The following ASAP2 variants were observed in gnomAD, a reference collection of about 807,000 sequenced individuals.
ASAP2 encodes the protein ArfGAP with SH3 domain, ankyrin repeat and PH domain 2, also known as arf-GAP with SH3 domain, ANK repeat and PH domain-containing protein 2.
In ASAP2, 45 loss-of-function variants were observed where a neutral mutation model predicts 131.4. The ratio of observed to expected loss-of-function variants is 0.34; its 90% CI spans 0.27 to 0.44. ASAP2 has a LOEUF of 0.44. ASAP2 is among the 20% of genes least tolerant of loss of function. The probability of loss-of-function intolerance (pLI) is 1.00; values close to 1 mark genes in which losing one functional copy is unlikely to be tolerated. For synonymous variants in ASAP2, 510 were observed against 503.0 expected, an observed-to-expected ratio of 1.01 and a Z score of -0.19; for missense variants, 1,011 against 1,297.0, an observed-to-expected ratio of 0.78 and a Z score of 3.39.
At chr2:9,278,726 C>G (rs1298443996) in intron 1 of ASAP2, among the ~76,000 whole-genome samples, 3 of 152,172 alleles carry the variant, frequency 2.0e-5, no homozygotes. Flanking sequence ...GAGAGTACCT[C>G]TATCTAATTA....
chr2:9,346,626 G>C (rs1479148829), intron 11 of ASAP2, among the ~76,000 whole-genome samples: 1 of 152,112 alleles, frequency 6.6e-6, no homozygotes, highest in African/African-American at 2.4e-5. Context: ...CTTTCGAATT[G>C]GTGTCCACTC....
In ASAP2 at chr2:9,237,433, A is replaced by G. The variant is rs1314733598; in HGVS notation, c.126+30203A>G. Among the ~76,000 whole-genome samples the G allele has an allele frequency of 5.5e-5, 6 of 109,854 alleles. No individual in the cohort carries two copies. The South Asian group carries it at 1.3e-3, about 24-fold the overall frequency. The allele number at this position is 109,854 out of a possible 152,430, so 72.1% of individuals were successfully genotyped here. On this transcript the variant is annotated intron_variant, in intron 1 of 27. Coordinates refer to ENST00000281419, the MANE Select transcript of ASAP2 (RefSeq NM_003887.3). Reference sequence around the variant, plus strand: ...TTTGGTCTTTTTTTTTTTTTTTTTGACAGATTCTTGCTTTGTTGCCCAGGC... The same window carrying G: ...TTTGGTCTTTTTTTTTTTTTTTTTGGCAGATTCTTGCTTTGTTGCCCAGGC...
chr2:9,307,710 C>T (rs2148447560), intron 3 of ASAP2, among the ~76,000 whole-genome samples: 1 of 152,352 alleles, frequency 6.6e-6, no homozygotes, highest in Non-Finnish European at 1.5e-5. Context: ...GCATTAAGAG[C>T]AGAAACCAGG....
At chr2:9,271,603 T>G (rs7600853) in intron 1 of ASAP2, 331,715 of 1,338,740 alleles carry the variant, frequency 0.25, 43,182 homozygotes, top group Non-Finnish European at 0.28. Flanking sequence ...GGAGTTTAAA[T>G]AGTGGAGGTT....
intron 1 of ASAP2, among the ~76,000 whole-genome samples, chr2:9,269,694 T>A (rs1019082044): frequency 6.6e-6 from 1 of 152,254 alleles, no homozygotes; most frequent in Non-Finnish European, 1.5e-5. Flanking sequence ...CAGAGGCCAC[T>A]GTGCTGCCTG....
intron 9 of ASAP2, among the ~76,000 whole-genome samples, chr2:9,338,493 G>A (rs1671370420): frequency 6.6e-6 from 1 of 152,142 alleles, no homozygotes; most frequent in Non-Finnish European, 1.5e-5. Flanking sequence ...TATCTTACAT[G>A]CCCAAATCTG....
At chr2:9,263,779 C>T (rs1318477277) in intron 1 of ASAP2, among the ~76,000 whole-genome samples, 1 of 152,218 alleles carries the variant, frequency 6.6e-6, no homozygotes, top group African/African-American at 2.4e-5. Flanking sequence ...TACCGCATGA[C>T]ACCGTCCACT....
chr2:9,322,804 G>A (rs1670235710), intron 5 of ASAP2, among the ~76,000 whole-genome samples: 1 of 152,174 alleles, frequency 6.6e-6, no homozygotes, highest in African/African-American at 2.4e-5. Context: ...GTGCCCTTGG[G>A]TTACTAGAGG....
rs530295211 is a variant in ASAP2 at position 9,278,897 on chromosome 2, TA to T, written c.127-419del. Among the ~76,000 whole-genome samples the T allele has an allele frequency of 3.1e-3, 468 of 152,138 alleles. 4 individuals are homozygous for T. Among genetic ancestry groups the T allele is most frequent in the African/African-American group, 0.011 (439 of 41,528 alleles). ...TTGCCTCCACCTTGTTAGGGCTCTA[TA>T]GGGGGAAGGGGTGCAGGCACGATAG... On this transcript the variant is annotated intron_variant, in intron 1 of 27. Transcript: ENST00000281419.
In ASAP2 at chr2:9,386,448, A is replaced by G. The variant is rs575236462; in HGVS notation, c.2130+1090A>G. The stretch of plus-strand genomic sequence containing the variant: ...CCTCTTCATCAAGCGGTCAGATGCC[A>G]CATTCCCATTTGATGAGCAGTGATG... On this transcript the variant is annotated intron_variant, in intron 21 of 27. Coordinates refer to ENST00000281419, the MANE Select transcript of ASAP2 (RefSeq NM_003887.3). Among the ~76,000 whole-genome samples the G allele has an allele frequency of 3.9e-5, 6 of 152,252 alleles. No individual in the cohort carries two copies. The East Asian group carries it at 9.6e-4, about 24-fold the overall frequency.
chr2:9,252,065 C>G (rs33969163), intron 1 of ASAP2, among the ~76,000 whole-genome samples: 33,748 of 152,046 alleles, frequency 0.22, 4,101 homozygotes, highest in African/African-American at 0.29. Context: ...AAAACCTTCC[C>G]TCTGGGAAAT....
intron 3 of ASAP2, among the ~76,000 whole-genome samples, chr2:9,299,178 G>A (rs1319846759): frequency 6.6e-6 from 1 of 152,182 alleles, no homozygotes; most frequent in Non-Finnish European, 1.5e-5. Flanking sequence ...GAGTCTCCAA[G>A]TTGAGAGGCT....
Position 9,323,163 on chromosome 2 carries a change from T to C in ASAP2, c.513T>C (p.His171=), listed in dbSNP as rs1216840489. The change falls in exon 6 of 28, where the codon CAT becomes CAC. Residue 171 remains histidine (H), a synonymous_variant. Transcript: ENST00000281419. ...EKEKKEHAKL[H]GMIRTEISGA... is the part of the protein sequence containing the mutation. ...AGAAAAAGGAACACGCCAAGCTCCA[T>C]GGGATGATTCGGACTGAAATAAGCG... is the stretch of plus-strand genomic sequence containing the variant. 7 of 1,614,134 alleles carry C rather than the reference T, an allele frequency of 4.3e-6. No homozygotes were observed. Among genetic ancestry groups the C allele is most frequent in the East Asian group, 2.2e-5 (1 of 44,878 alleles).
chr2:9,340,956 A>G (rs1391794635), intron 9 of ASAP2, among the ~76,000 whole-genome samples: 1 of 152,214 alleles, frequency 6.6e-6, no homozygotes, highest in Non-Finnish European at 1.5e-5. Flanking sequence ...GGTTCCACCA[A>G]GTGCCCACCT....
intron 1 of ASAP2, among the ~76,000 whole-genome samples, chr2:9,266,013 A>T (rs1665913797): frequency 6.9e-6 from 1 of 145,174 alleles, no homozygotes; most frequent in Admixed American, 6.8e-5. Context: ...ACCTCAAGTG[A>T]TCCACCCCCC....
At chr2:9,381,185 T>C (rs762867612) in intron 20 of ASAP2, among the ~76,000 whole-genome samples, 2 of 152,176 alleles carry the variant, frequency 1.3e-5, no homozygotes, top group Non-Finnish European at 2.9e-5. Context: ...CCTTTCTTTG[T>C]TCCTCAGCCC....
intron 1 of ASAP2, among the ~76,000 whole-genome samples, chr2:9,272,788 A>C (rs540006780): frequency 6.6e-6 from 1 of 152,350 alleles, no homozygotes; most frequent in African/African-American, 2.4e-5. Context: ...TAGTCTTCCC[A>C]GCACAATTTA....
intron 3 of ASAP2, among the ~76,000 whole-genome samples, chr2:9,304,562 G>A (rs111766041): frequency 6.6e-6 from 1 of 151,446 alleles, no homozygotes; most frequent in Non-Finnish European, 1.5e-5. Flanking sequence ...TTGTGGGGGT[G>A]TAGATACAGG....
chr2:9,263,230 A>G (rs900218781), intron 1 of ASAP2, among the ~76,000 whole-genome samples: 2 of 151,392 alleles, frequency 1.3e-5, no homozygotes, highest in African/African-American at 2.4e-5. Flanking sequence ...GAGCTAGTCC[A>G]TTTTCTACCT....
Sources: gnomAD v4.1 joint callset for allele counts (sites outside exome capture counted in the v4.1 genomes callset) on GRCh38, gnomAD v4.1.1 for gene constraint, MANE v1.5 for transcripts, NCBI Gene and HGNC (gene_info 2026-07-23, HGNC 2026-07-21) for gene names.